CNNM2: variants seen among roughly 807,000 people sequenced by gnomAD.
The protein encoded by CNNM2 is metal transporter CNNM2.
In CNNM2, 12 loss-of-function variants were observed where a neutral mutation model predicts 66.9. The observed-to-expected ratio is 0.18, with a 90% CI of 0.11 to 0.29. The LOEUF is 0.29. Ranked by LOEUF, CNNM2 falls within the 10% of genes least tolerant of loss-of-function variation. CNNM2 has a pLI of 1.00. For missense variants in CNNM2, 705 were observed against 1,167.7 expected, an observed-to-expected ratio of 0.60 and a Z score of 5.77; for synonymous variants, 557 against 501.8, an observed-to-expected ratio of 1.11 and a Z score of -1.47.
At chr10:102,947,674 C>T (rs1354443193) in intron 1 of CNNM2, among the ~76,000 whole-genome samples, 2 of 152,098 alleles carry the variant, frequency 1.3e-5, no homozygotes, top group African/African-American at 4.8e-5. Flanking sequence ...TCACTTGAGT[C>T]TGGGAGATGG....
chr10:102,998,120 T>C (rs749286227), intron 1 of CNNM2, among the ~76,000 whole-genome samples: 1 of 152,238 alleles, frequency 6.6e-6, no homozygotes, highest in Non-Finnish European at 1.5e-5. Context: ...ATTTTCTGGC[T>C]TGTAAAAGCA....
At chr10:103,061,757 A>AC (rs2065389714) in intron 4 of CNNM2, among the ~76,000 whole-genome samples, 1 of 152,172 alleles carries the variant, frequency 6.6e-6, no homozygotes, top group African/African-American at 2.4e-5. Flanking sequence ...AGCAACACAC[A>AC]CCCAGGGTTA....
intron 1 of CNNM2, among the ~76,000 whole-genome samples, chr10:102,934,283 T>TC (rs904688468): frequency 6.7e-6 from 1 of 149,940 alleles, no homozygotes; most frequent in African/African-American, 2.4e-5. Context: ...TTCTTTCTTT[T>TC]TTTTTTTTTG....
intron 1 of CNNM2, among the ~76,000 whole-genome samples, chr10:102,964,955 T>C (rs2063437647): frequency 6.6e-6 from 1 of 152,132 alleles, no homozygotes; most frequent in Non-Finnish European, 1.5e-5. Flanking sequence ...ACTCAGCACT[T>C]GGCCCTCCTA....
chr10:103,009,240 A>G (rs1590388108), intron 1 of CNNM2, among the ~76,000 whole-genome samples: 1 of 152,214 alleles, frequency 6.6e-6, no homozygotes, highest in Non-Finnish European at 1.5e-5. Flanking sequence ...ACACCATTGC[A>G]TTCCAGCCTG....
chr10:103,077,817 G>A lies in CNNM2; in HGVS notation c.*637G>A, dbSNP rs1052606135. The A allele has an allele frequency of 6.5e-6, 1 of 152,704 alleles. No individual in the cohort carries two copies. Among genetic ancestry groups the A allele is most frequent in the African/African-American group, 2.4e-5 (1 of 41,450 alleles). 9.5% of individuals were successfully genotyped at this position (152,704 alleles called of 1,614,324 possible). A position where few individuals can be genotyped will look rare whatever the true frequency, so the allele number is the denominator to read the frequency against. On this transcript the variant is annotated 3_prime_UTR_variant, in exon 8 of 8. Coordinates refer to ENST00000369878, the MANE Select transcript of CNNM2 (RefSeq NM_017649.5). Reference sequence around the variant, plus strand: ...TGCAATCACCTCTCTGAGCTCAGTGGTATTTTGAGAATTTAATGTTTAACT... The same window carrying A: ...TGCAATCACCTCTCTGAGCTCAGTGATATTTTGAGAATTTAATGTTTAACT...
intron 1 of CNNM2, among the ~76,000 whole-genome samples, chr10:103,022,427 C>T (rs554334253): frequency 6.6e-6 from 1 of 152,290 alleles, no homozygotes; most frequent in South Asian, 2.1e-4. Context: ...AGGTGTCCCC[C>T]TGCTATGGTC....
chr10:102,948,906 T>C (rs1347884063), intron 1 of CNNM2, among the ~76,000 whole-genome samples: 2 of 152,036 alleles, frequency 1.3e-5, no homozygotes, highest in Non-Finnish European at 2.9e-5. Flanking sequence ...AATATAGATA[T>C]TATCTTCATA....
In CNNM2 at chr10:103,058,188, G is replaced by A. The variant is rs1261803944; in HGVS notation, c.2073+1224G>A. Among the ~76,000 whole-genome samples the A allele has an allele frequency of 3.3e-5, 5 of 152,134 alleles. No individual in the cohort carries two copies. The South Asian group carries it at 6.2e-4, about 19-fold the overall frequency. ...GTTTGCAAGTTTACTAATTTAGTACGCTGATTCATCTTCTAAATTTAGTTT... is the reference window on the plus strand; with the variant it reads ...GTTTGCAAGTTTACTAATTTAGTACACTGATTCATCTTCTAAATTTAGTTT... On this transcript the variant is annotated intron_variant, in intron 4 of 7. Coordinates refer to ENST00000369878, the MANE Select transcript of CNNM2 (RefSeq NM_017649.5).
chr10:103,000,973 G>A (rs2064108617), intron 1 of CNNM2, among the ~76,000 whole-genome samples: 1 of 152,190 alleles, frequency 6.6e-6, no homozygotes, highest in Non-Finnish European at 1.5e-5. Flanking sequence ...GCAAAATGTG[G>A]TATTTACCAA....
intron 1 of CNNM2, among the ~76,000 whole-genome samples, chr10:102,975,810 G>A (rs1274323406): frequency 6.6e-6 from 1 of 152,152 alleles, no homozygotes; most frequent in Non-Finnish European, 1.5e-5. Flanking sequence ...CAGAAGCATA[G>A]CCAATTAAAA....
At chr10:103,048,933 G>A (rs2065173649) in intron 1 of CNNM2, among the ~76,000 whole-genome samples, 1 of 152,044 alleles carries the variant, frequency 6.6e-6, no homozygotes, top group South Asian at 2.1e-4. Flanking sequence ...ATAGCTCACT[G>A]CAGCCTCGAA....
intron 1 of CNNM2, among the ~76,000 whole-genome samples, chr10:103,040,151 A>G (rs2065013893): frequency 6.6e-6 from 1 of 152,100 alleles, no homozygotes; most frequent in Non-Finnish European, 1.5e-5. Context: ...TGCTTAACAG[A>G]GTGAGACTCC....
At chr10:103,064,940 G>A (rs2065451224) in intron 4 of CNNM2, among the ~76,000 whole-genome samples, 1 of 152,142 alleles carries the variant, frequency 6.6e-6, no homozygotes, top group South Asian at 2.1e-4. Flanking sequence ...CTCTGTAGAG[G>A]TGCGTCTTAC....
chr10:103,002,020 C>G (rs2064132714), intron 1 of CNNM2, among the ~76,000 whole-genome samples: 1 of 151,972 alleles, frequency 6.6e-6, no homozygotes, highest in Non-Finnish European at 1.5e-5. Context: ...AATAATAAAA[C>G]TATAAAACAC....
intron 6 of CNNM2, among the ~76,000 whole-genome samples, chr10:103,072,710 G>A (rs1469805645): frequency 6.6e-6 from 1 of 152,172 alleles, no homozygotes; most frequent in Non-Finnish European, 1.5e-5. Flanking sequence ...TTTCCTAGTT[G>A]GTAACACAAT....
In CNNM2 at chr10:103,079,679, C is replaced by T. The variant is rs2065738118; in HGVS notation, c.*2499C>T. 2 of 152,114 alleles carry T rather than the reference C, an allele frequency of 1.3e-5. No homozygotes were observed. Among genetic ancestry groups the T allele is most frequent in the South Asian group, 4.2e-4 (2 of 4,810 alleles). The allele number at this position is 152,114 out of a possible 1,614,324, so 9.4% of individuals were successfully genotyped here. A position where few individuals can be genotyped will look rare whatever the true frequency, so the allele number is the denominator to read the frequency against. ...GGCAGGAGTGGCATCAGTGAGGCTC[C>T]CAAAGGATGAAATTTTAGCCGCCAA... On this transcript the variant is annotated 3_prime_UTR_variant, in exon 8 of 8. Transcript: ENST00000369878.
At chr10:103,018,314 A>G (rs1455441148) in intron 1 of CNNM2, among the ~76,000 whole-genome samples, 1 of 152,152 alleles carries the variant, frequency 6.6e-6, no homozygotes, top group Non-Finnish European at 1.5e-5. Context: ...AACTGGGTAG[A>G]TGTTAATGCA....
chr10:102,960,128 G>C (rs1449025856), intron 1 of CNNM2, among the ~76,000 whole-genome samples: 1 of 152,050 alleles, frequency 6.6e-6, no homozygotes, highest in Non-Finnish European at 1.5e-5. Flanking sequence ...TCATGAAAGG[G>C]CGAAATGAAA....
Sources: allele counts gnomAD v4.1 joint callset (sites outside exome capture counted in the v4.1 genomes callset), GRCh38; gene constraint gnomAD v4.1.1; transcripts MANE v1.5; gene names NCBI Gene and HGNC (gene_info 2026-07-23, HGNC 2026-07-21).